Variants in OPCML observed in about 807,000 individuals in gnomAD.
OPCML encodes the protein opioid binding protein/cell adhesion molecule like.
A neutral mutation model predicts 37.8 loss-of-function variants in OPCML; 13 were observed. The observed-to-expected ratio is 0.34, with a 90% CI of 0.22 to 0.55. OPCML has a LOEUF of 0.55. Ranked by LOEUF, OPCML falls within the 20% of genes least tolerant of loss-of-function variation. The probability of loss-of-function intolerance (pLI) is 0.91; values close to 1 mark genes in which losing one functional copy is unlikely to be tolerated. For synonymous variants in OPCML, 176 were observed against 168.8 expected (o/e 1.04, Z -0.33); for missense variants, 341 against 435.6 (o/e 0.78, Z 1.93).
chr11:132,527,217 A>G (rs2096310742), intron 4 of OPCML, among the ~76,000 whole-genome samples: 1 of 152,178 alleles, frequency 6.6e-6, no homozygotes, highest in African/African-American at 2.4e-5. Flanking sequence ...ATTTGTGAGC[A>G]TATGCTTTCA....
chr11:132,909,040 G>A (rs1179703133), intron 2 of OPCML, among the ~76,000 whole-genome samples: 1 of 151,914 alleles, frequency 6.6e-6, no homozygotes, highest in Non-Finnish European at 1.5e-5. Context: ...GGGCAAGGGT[G>A]CCTCAGAGAC....
Position 133,049,772 on chromosome 11 carries a change from C to A in OPCML, c.62-106762G>T, listed in dbSNP as rs148195485. On this transcript the variant is annotated intron_variant, in intron 1 of 7. Coordinates refer to ENST00000524381, the MANE Select transcript of OPCML (RefSeq NM_001012393.5). ...GTGCTGTGCTCTCCACCTGTGAGGG[C>A]TTCTTTATGTGTCAGCTCAGCTAGG... is the stretch of plus-strand genomic sequence containing the variant. 9.8e-3 allele frequency among the ~76,000 whole-genome samples: 1,487 copies of A among 152,298 alleles called. 28 individuals are homozygous for A. Among genetic ancestry groups the A allele is most frequent in the African/African-American group, 0.034 (1,409 of 41,564 alleles).
chr11:132,602,011 A>G (rs1415140170), intron 3 of OPCML, among the ~76,000 whole-genome samples: 1 of 152,164 alleles, frequency 6.6e-6, no homozygotes, highest in Non-Finnish European at 1.5e-5. Context: ...GCTCAAAAAG[A>G]CACTGTTCTC....
intron 1 of OPCML, among the ~76,000 whole-genome samples, chr11:133,376,541 G>A (rs1320061945): frequency 6.6e-6 from 1 of 152,178 alleles, no homozygotes. Context: ...GTAGACATGT[G>A]TATTATACAT....
intron 1 of OPCML, among the ~76,000 whole-genome samples, chr11:133,083,136 ACACACACG>A (rs1387989301): frequency 1.4e-5 from 2 of 147,728 alleles, no homozygotes; most frequent in South Asian, 2.1e-4. Flanking sequence ...CACACCACGC[ACACACACG>A]CACACACACA....
chr11:132,645,361 T>G (rs1941092251), intron 3 of OPCML, among the ~76,000 whole-genome samples: 1 of 152,244 alleles, frequency 6.6e-6, no homozygotes, highest in Admixed American at 6.5e-5. Context: ...GATGCTTATT[T>G]ATTCCTAAGA....
At chr11:132,781,954 ATTTTT>A (rs10717332) in intron 2 of OPCML, among the ~76,000 whole-genome samples, 3 of 107,774 alleles carry the variant, frequency 2.8e-5, no homozygotes, top group Non-Finnish European at 5.7e-5. Context: ...ATATATATAT[ATTTTT>A]TTTTTTTTTT....
chr11:133,083,088 C>T (rs1315083276), intron 1 of OPCML, among the ~76,000 whole-genome samples: 1 of 152,056 alleles, frequency 6.6e-6, no homozygotes, highest in Non-Finnish European at 1.5e-5. Context: ...CCGCCTGCGC[C>T]CCGACGGCAC....
intron 2 of OPCML, among the ~76,000 whole-genome samples, chr11:132,939,942 C>T (rs527238187): frequency 1.1e-4 from 17 of 152,182 alleles, no homozygotes; most frequent in Non-Finnish European, 2.2e-4. Context: ...TAGTGAAGAG[C>T]ACCTTCATTT....
chr11:132,963,603 A>G (rs186368296), intron 1 of OPCML, among the ~76,000 whole-genome samples: 262 of 151,846 alleles, frequency 1.7e-3, no homozygotes, highest in African/African-American at 6.0e-3. Flanking sequence ...AAAAAAAAAA[A>G]AAAACTGTGG....
At chr11:132,649,012 A>T (rs1941297045) in intron 3 of OPCML, among the ~76,000 whole-genome samples, 1 of 152,184 alleles carries the variant, frequency 6.6e-6, no homozygotes, top group Non-Finnish European at 1.5e-5. Context: ...GGAATTCCAG[A>T]GGCCACGGAG....
intron 1 of OPCML, chr11:133,360,965 A>AT (rs1036791609): frequency 1.3e-5 from 2 of 152,430 alleles, no homozygotes; most frequent in Admixed American, 1.3e-4. Context: ...AAGTGCTCGA[A>AT]TGCCTGAGTC....
intron 1 of OPCML, among the ~76,000 whole-genome samples, chr11:133,019,000 C>A (rs187725524): frequency 1.2e-4 from 18 of 152,334 alleles, no homozygotes; most frequent in African/African-American, 4.3e-4. Context: ...CTGTGCTCAC[C>A]TACAATCCTC....
chr11:133,043,254 C>CA (rs1407898048), intron 1 of OPCML, among the ~76,000 whole-genome samples: 3 of 152,056 alleles, frequency 2.0e-5, no homozygotes, highest in Non-Finnish European at 2.9e-5. Flanking sequence ...TCTGGCTGTT[C>CA]AAAAAAATCC....
intron 1 of OPCML, among the ~76,000 whole-genome samples, chr11:133,057,336 A>G (rs1263994575): frequency 1.3e-5 from 2 of 152,172 alleles, no homozygotes; most frequent in Admixed American, 6.5e-5. Flanking sequence ...GAATTGTCCA[A>G]GGCCAAAGGC....
At chr11:132,535,589 G>A (rs1459270244) in intron 3 of OPCML, among the ~76,000 whole-genome samples, 1 of 152,180 alleles carries the variant, frequency 6.6e-6, no homozygotes, top group Non-Finnish European at 1.5e-5. Context: ...CAGCTCTGAG[G>A]TAGACAGGAC....
intron 1 of OPCML, among the ~76,000 whole-genome samples, chr11:133,363,946 C>T (rs887091861): frequency 1.3e-5 from 2 of 152,200 alleles, no homozygotes; most frequent in African/African-American, 4.8e-5. Flanking sequence ...CCACATCAAG[C>T]TCGCAGTGAC....
chr11:132,863,927 ATTTAT>A (rs1042663030), intron 2 of OPCML, among the ~76,000 whole-genome samples: 8 of 142,556 alleles, frequency 5.6e-5, no homozygotes, highest in Non-Finnish European at 1.1e-4. Context: ...TTTTTATTCT[ATTTAT>A]TTTATTTATT....
chr11:133,375,310 A>G (rs1346222035), intron 1 of OPCML, among the ~76,000 whole-genome samples: 1 of 152,246 alleles, frequency 6.6e-6, no homozygotes, highest in Non-Finnish European at 1.5e-5. Flanking sequence ...GCTGGTCTGT[A>G]AACTGCCAAA....
Sources: gnomAD v4.1 joint callset for allele counts (sites outside exome capture counted in the v4.1 genomes callset) on GRCh38, gnomAD v4.1.1 for gene constraint, MANE v1.5 for transcripts, NCBI Gene and HGNC (gene_info 2026-07-23, HGNC 2026-07-21) for gene names.